GUCY1A2: variants seen among roughly 807,000 people sequenced by gnomAD.
GUCY1A2 encodes guanylate cyclase soluble subunit alpha-2.
In GUCY1A2, 27 loss-of-function variants were observed where a neutral mutation model predicts 63.5. That is an observed-to-expected ratio of 0.43 (90% CI 0.31 to 0.59). GUCY1A2 has a LOEUF of 0.59. GUCY1A2 is among the 20% of genes least tolerant of loss of function. The pLI, the probability that GUCY1A2 is intolerant of heterozygous loss-of-function variation, is 0.11. For missense variants in GUCY1A2, 768 were observed against 913.3 expected (o/e 0.84, Z 2.05); for synonymous variants, 364 against 343.5 (o/e 1.06, Z -0.66).
intron 6 of GUCY1A2, among the ~76,000 whole-genome samples, chr11:106,759,190 G>A (rs1422541870): frequency 1.3e-5 from 2 of 150,524 alleles, no homozygotes. Flanking sequence ...GCAAGTATTT[G>A]CAACAGTCAT....
At chr11:106,878,782 T>TAAAA (rs372754272) in intron 4 of GUCY1A2, among the ~76,000 whole-genome samples, 6 of 137,998 alleles carry the variant, frequency 4.3e-5, no homozygotes, top group Non-Finnish European at 4.7e-5. Flanking sequence ...ACTTAAAAGT[T>TAAAA]AAAAAAAAAA....
At chr11:106,719,224 C>A (rs892388063) in intron 6 of GUCY1A2, among the ~76,000 whole-genome samples, 2 of 152,072 alleles carry the variant, frequency 1.3e-5, no homozygotes, top group Non-Finnish European at 2.9e-5. Flanking sequence ...ACTTACTTAT[C>A]AATTCACTCA....
At chr11:106,742,346 C>T (rs559221939) in intron 6 of GUCY1A2, among the ~76,000 whole-genome samples, 2 of 152,336 alleles carry the variant, frequency 1.3e-5, no homozygotes, top group South Asian at 4.1e-4. Flanking sequence ...ATTCCACTCA[C>T]TACCCACTGA....
At chr11:106,807,527 C>T (rs527952865) in intron 5 of GUCY1A2, among the ~76,000 whole-genome samples, 12 of 152,270 alleles carry the variant, frequency 7.9e-5, no homozygotes, top group African/African-American at 2.6e-4. Flanking sequence ...CAAACTCAAC[C>T]TCCCTAATCC....
chr11:106,795,599 C>T (rs192172271), intron 5 of GUCY1A2, among the ~76,000 whole-genome samples: 2 of 151,414 alleles, frequency 1.3e-5, no homozygotes, highest in Admixed American at 1.3e-4. Flanking sequence ...AGTCTCACAG[C>T]GATTTTGTTT....
intron 4 of GUCY1A2, among the ~76,000 whole-genome samples, chr11:106,913,919 C>T: frequency 6.7e-6 from 1 of 149,692 alleles, no homozygotes; most frequent in East Asian, 2.0e-4. Flanking sequence ...TCAAGCATAA[C>T]CTGGCTAAAG....
chr11:106,899,999 T>C (rs1440149914), intron 4 of GUCY1A2, among the ~76,000 whole-genome samples: 2 of 146,474 alleles, frequency 1.4e-5, no homozygotes, highest in Non-Finnish European at 3.0e-5. Flanking sequence ...GGCAGGAGAA[T>C]GGCGTGAACC....
At chr11:106,706,592 G>A (rs1216442312) in intron 7 of GUCY1A2, among the ~76,000 whole-genome samples, 3 of 148,136 alleles carry the variant, frequency 2.0e-5, no homozygotes, top group Non-Finnish European at 4.5e-5. Context: ...GCCAGCTACT[G>A]TTATGATGTC....
At chr11:106,910,516 C>T (rs1320928274) in intron 4 of GUCY1A2, among the ~76,000 whole-genome samples, 2 of 152,020 alleles carry the variant, frequency 1.3e-5, no homozygotes, top group Non-Finnish European at 2.9e-5. Context: ...AGTTCTGGCT[C>T]ATCCATGACT....
At chr11:106,687,892 C>A in intron 7 of GUCY1A2, 136 bp from the exon 8 acceptor site, 1 of 618,914 alleles carries the variant, frequency 1.6e-6, no homozygotes, top group Admixed American at 2.9e-5. Flanking sequence ...TAGATGTGGC[C>A]TTCATCAGAT....
chr11:106,868,996 A>G (rs1485623132), intron 4 of GUCY1A2, among the ~76,000 whole-genome samples: 1 of 152,242 alleles, frequency 6.6e-6, no homozygotes, highest in East Asian at 1.9e-4. Flanking sequence ...GACAAAAACA[A>G]GAAATGGGGA....
At chr11:106,977,405 T>A (rs1200422883) in intron 3 of GUCY1A2, among the ~76,000 whole-genome samples, 1 of 152,200 alleles carries the variant, frequency 6.6e-6, no homozygotes, top group African/African-American at 2.4e-5. Flanking sequence ...TGATGAATCT[T>A]TGGCCTCCTT....
chr11:106,797,000 C>G (rs1459524484), intron 5 of GUCY1A2, among the ~76,000 whole-genome samples: 1 of 152,030 alleles, frequency 6.6e-6, no homozygotes, highest in African/African-American at 2.4e-5. Context: ...CTCTAAACTT[C>G]TCTTCTCGCT....
In GUCY1A2 at chr11:106,674,558, T is replaced by A. The variant is rs11211855; in HGVS notation, c.*12991A>T. On this transcript the variant is annotated 3_prime_UTR_variant, in exon 8 of 8. Coordinates refer to ENST00000526355, the MANE Select transcript of GUCY1A2 (RefSeq NM_000855.3). ...GGTTTAAGAGATGCATTCATTTTTT[T>A]AAAAAAACAAAAAATAGTTTGACAT... is the stretch of plus-strand genomic sequence containing the variant. 17,985 of 181,822 alleles carry A rather than the reference T, an allele frequency of 0.099. 1,143 individuals are homozygous for A. The highest frequency in any genetic ancestry group is 0.14 in the Non-Finnish European group (12,230 of 85,378). The allele number at this position is 181,822 out of a possible 1,614,324, so 11.3% of individuals were successfully genotyped here. A position where few individuals can be genotyped will look rare whatever the true frequency, so the allele number is the denominator to read the frequency against.
chr11:106,925,107 T>G (rs540102152), intron 4 of GUCY1A2, among the ~76,000 whole-genome samples: 1 of 152,020 alleles, frequency 6.6e-6, no homozygotes, highest in Non-Finnish European at 1.5e-5. Context: ...TCAGGTTAAT[T>G]TGCATTCCAT....
chr11:106,848,090 T>C (rs1859301406), intron 4 of GUCY1A2, among the ~76,000 whole-genome samples: 1 of 151,672 alleles, frequency 6.6e-6, no homozygotes. Context: ...GAAAATAGGC[T>C]GAAGACATCA....
In GUCY1A2 at chr11:106,781,829, A is replaced by G. The variant is rs139959905; in HGVS notation, c.1693-5247T>C. Among the ~76,000 whole-genome samples the G allele has an allele frequency of 6.6e-3, 1,007 of 152,050 alleles. 11 individuals carry two copies. Among genetic ancestry groups the G allele is most frequent in the African/African-American group, 0.022 (924 of 41,474 alleles). On this transcript the variant is annotated intron_variant, in intron 5 of 7. Transcript: ENST00000526355. ...GAGATTTGTGCACCTCAGCCTCCCA[A>G]AGTGCTGGGATTACAGGCATAAGCC...
chr11:106,943,908 A>C (rs1177773001), intron 3 of GUCY1A2, among the ~76,000 whole-genome samples: 1 of 151,990 alleles, frequency 6.6e-6, no homozygotes, highest in East Asian at 1.9e-4. Context: ...GGAGACTTAA[A>C]TAAAAAAACA....
At chr11:106,940,621 C>T (rs945578575) in intron 3 of GUCY1A2, among the ~76,000 whole-genome samples, 1 of 152,112 alleles carries the variant, frequency 6.6e-6, no homozygotes, top group African/African-American at 2.4e-5. Flanking sequence ...CATTAAGGCT[C>T]ACTCTTAATA....
Sources: allele counts gnomAD v4.1 joint callset (sites outside exome capture counted in the v4.1 genomes callset), GRCh38; gene constraint gnomAD v4.1.1; transcripts MANE v1.5; gene names NCBI Gene and HGNC (gene_info 2026-07-23, HGNC 2026-07-21).